TRAPPC8: variants seen among roughly 807,000 people sequenced by gnomAD.
TRAPPC8 encodes the protein general sporulation gene 1 homolog.
A neutral mutation model predicts 174.3 loss-of-function variants in TRAPPC8; 54 were observed. The observed-to-expected ratio is 0.31, with a 90% CI of 0.25 to 0.39. TRAPPC8 has a LOEUF of 0.39. Among genes scored for constraint, TRAPPC8 ranks in the 10% least tolerant of loss-of-function variants. The pLI, the probability that TRAPPC8 is intolerant of heterozygous loss-of-function variation, is 1.00. For missense variants in TRAPPC8, 1,531 were observed against 1,699.1 expected, an observed-to-expected ratio of 0.90 and a Z score of 1.74; for synonymous variants, 630 against 579.9, an observed-to-expected ratio of 1.09 and a Z score of -1.24.
rs751010020 is a variant in TRAPPC8, at chr18:31,871,105, G to A, written c.2078C>T (p.Ala693Val). The change falls in exon 15 of 29, where the codon GCT becomes GTT. Residue 693 changes from alanine (A) to valine (V), a missense_variant. Coordinates refer to ENST00000283351, the MANE Select transcript of TRAPPC8 (RefSeq NM_014939.5). ...RRPADGEKQA[A>V]THVSLDQEYD... The stretch of plus-strand genomic sequence containing the variant: ...TTCTTGATCAAGACTTACATGAGTA[G>A]CTGCTTGTTTTTCACCTAAAAAAAA... The A allele has an allele frequency of 2.6e-6, 4 of 1,548,432 alleles. No homozygotes were observed. Among genetic ancestry groups the A allele is most frequent in the Admixed American group, 1.9e-5 (1 of 52,272 alleles).
chr18:31,921,633 A>AAG (rs1261625387), intron 2 of TRAPPC8, among the ~76,000 whole-genome samples: 1 of 152,132 alleles, frequency 6.6e-6, no homozygotes, highest in African/African-American at 2.4e-5. Flanking sequence ...AAAAAAAAAA[A>AAG]AAAAGTTATC....
At chr18:31,855,943 A>G (rs1484824382) in intron 20 of TRAPPC8, 136 bp from the exon 21 acceptor site, 2 of 963,094 alleles carry the variant, frequency 2.1e-6, no homozygotes, top group Non-Finnish European at 3.0e-6. Context: ...AGAATACATT[A>G]AGTAAAATTA....
intron 27 of TRAPPC8, among the ~76,000 whole-genome samples, chr18:31,834,752 TTTG>T (rs1275345847): frequency 6.6e-6 from 1 of 152,190 alleles, no homozygotes; most frequent in African/African-American, 2.4e-5. Context: ...TGATTTTATC[TTTG>T]TTATCTCCTG....
rs202233327 is a variant in TRAPPC8 at position 31,942,600 on chromosome 18, C to T, written c.157+8G>A. 6.3e-6 allele frequency: 10 copies of T among 1,589,750 alleles called. No individual in the cohort carries two copies. Among genetic ancestry groups the T allele is most frequent in the Admixed American group, 1.8e-5 (1 of 55,528 alleles). On this transcript the variant is annotated splice_region_variant and intron_variant, in intron 1 of 28. Coordinates refer to ENST00000283351, the MANE Select transcript of TRAPPC8 (RefSeq NM_014939.5). ...GGAGCCCACTGGAAAAGGGAGGATA[C>T]CACATACCCTCGGAAGTGAGGCGGG...
chr18:31,893,042 C>A (rs1045507691), intron 11 of TRAPPC8, among the ~76,000 whole-genome samples: 21 of 140,662 alleles, frequency 1.5e-4, no homozygotes, highest in Middle Eastern at 3.7e-3. Flanking sequence ...AAAAAAAAAA[C>A]AACATCTTGT....
intron 2 of TRAPPC8, among the ~76,000 whole-genome samples, chr18:31,924,372 T>C (rs1431772263): frequency 2.6e-5 from 4 of 151,158 alleles, no homozygotes; most frequent in Non-Finnish European, 5.9e-5. Context: ...GGAGAACTGC[T>C]TGAACTAGGA....
intron 5 of TRAPPC8, 41 bp from the exon 6 acceptor site, chr18:31,909,801 A>C (rs2036831504): frequency 2.3e-6 from 3 of 1,304,346 alleles, no homozygotes; most frequent in Middle Eastern, 2.1e-4. Flanking sequence ...AGTTATACTT[A>C]ATCATACTTA....
rs946094059 is a variant in TRAPPC8 at position 31,832,077 on chromosome 18, T to C, written c.4073+7A>G. On this transcript the variant is annotated splice_region_variant and intron_variant, in intron 28 of 28. Transcript: ENST00000283351. ...ATCAAATAACCTTGCACTAAACAAATCTTTACCTTGTTGTTTTATGCCGAA... is the reference window on the plus strand; with the variant it reads ...ATCAAATAACCTTGCACTAAACAAACCTTTACCTTGTTGTTTTATGCCGAA... 3 of 1,527,470 alleles carry C rather than the reference T, an allele frequency of 2.0e-6. No individual in the cohort carries two copies. The highest frequency in any genetic ancestry group is 2.5e-5 in the East Asian group (1 of 39,904). 94.6% of individuals were successfully genotyped at this position (1,527,470 alleles called of 1,614,324 possible).
At chr18:31,915,671 C>T (rs2037108172) in intron 4 of TRAPPC8, among the ~76,000 whole-genome samples, 1 of 151,892 alleles carries the variant, frequency 6.6e-6, no homozygotes, top group Non-Finnish European at 1.5e-5. Flanking sequence ...CCCAGGCAGG[C>T]GGATCACGAG....
At chr18:31,856,495 G>C (rs1300835645) in intron 20 of TRAPPC8, among the ~76,000 whole-genome samples, 1 of 151,896 alleles carries the variant, frequency 6.6e-6, no homozygotes, top group Non-Finnish European at 1.5e-5. Flanking sequence ...CAAAGTGCTG[G>C]GGTTATAGGT....
chr18:31,869,592 A>G (rs1467661311), intron 16 of TRAPPC8, among the ~76,000 whole-genome samples: 2 of 152,222 alleles, frequency 1.3e-5, no homozygotes, highest in Non-Finnish European at 2.9e-5. Context: ...TATTACCGTG[A>G]TAGTCAACAA....
chr18:31,939,082 C>CA (rs397963630), intron 1 of TRAPPC8, among the ~76,000 whole-genome samples: 25,139 of 67,880 alleles, frequency 0.37, 5,168 homozygotes, highest in Admixed American at 0.5. Context: ...GACTCCGTCT[C>CA]AAAAAAAAAA....
intron 8 of TRAPPC8, 141 bp from the exon 9 acceptor site, chr18:31,907,751 A>G (rs1367681324): frequency 1.5e-6 from 1 of 651,866 alleles, no homozygotes; most frequent in Non-Finnish European, 2.3e-6. Flanking sequence ...CTCCAACAAG[A>G]GTGTCAGTTC....
chr18:31,907,631 AATTTAT>A (rs1315732598), intron 8 of TRAPPC8, 21 bp from the exon 9 acceptor site: 2 of 1,555,828 alleles, frequency 1.3e-6, no homozygotes, highest in African/African-American at 2.8e-5. Context: ...AAAAGAAAAT[AATTTAT>A]AATTTATTAC....
chr18:31,913,629 G>T, intron 4 of TRAPPC8, 107 bp from the exon 5 acceptor site: 3 of 839,120 alleles, frequency 3.6e-6, no homozygotes, highest in Non-Finnish European at 3.4e-6. Context: ...CCCCCAAAAA[G>T]GCATATTTAG....
chr18:31,852,357 G>A, intron 24 of TRAPPC8, 89 bp downstream of exon 24: 1 of 1,470,066 alleles, frequency 6.8e-7, no homozygotes, highest in Non-Finnish European at 9.4e-7. Flanking sequence ...AAAAGCGTTT[G>A]GGAATTACTG....
At chr18:31,924,354 T>G (rs1480352455) in intron 2 of TRAPPC8, among the ~76,000 whole-genome samples, 1 of 150,304 alleles carries the variant, frequency 6.7e-6, no homozygotes, top group African/African-American at 2.5e-5. Flanking sequence ...CTTGGGAGGC[T>G]GAGGTAGGGA....
At position 31,908,431 on chromosome 18, in the gene TRAPPC8, G is replaced by T; in HGVS notation, c.1123-13C>A. On this transcript the variant is annotated splice_polypyrimidine_tract_variant and intron_variant, in intron 7 of 28. Transcript: ENST00000283351. ...TTCTTGATATTAGCTTTAAAAAAGA[G>T]ATTAAATATGTTGACAAACAAAGAA... The T allele has an allele frequency of 6.8e-7, 1 of 1,475,940 alleles. No individual in the cohort carries two copies. 91.4% of individuals were successfully genotyped at this position (1,475,940 alleles called of 1,614,324 possible).
chr18:31,922,534 T>C (rs1354814567), intron 2 of TRAPPC8, among the ~76,000 whole-genome samples: 1 of 152,074 alleles, frequency 6.6e-6, no homozygotes, highest in Non-Finnish European at 1.5e-5. Flanking sequence ...AAAGCTGCAG[T>C]GAGCCAAGAT....
Sources: gnomAD v4.1 joint callset for allele counts (sites outside exome capture counted in the v4.1 genomes callset) on GRCh38, gnomAD v4.1.1 for gene constraint, MANE v1.5 for transcripts, NCBI Gene and HGNC (gene_info 2026-07-23, HGNC 2026-07-21) for gene names.